The following MAST2 variants were observed in gnomAD, a reference collection of about 807,000 sequenced individuals.
MAST2 encodes the protein microtubule-associated serine/threonine-protein kinase 2.
In MAST2, 70 loss-of-function variants were observed where a neutral mutation model predicts 147.4. The observed-to-expected ratio is 0.47, with a 90% CI of 0.39 to 0.58. The LOEUF (loss-of-function observed/expected upper bound fraction) is 0.58. MAST2 is among the 20% of genes least tolerant of loss of function. The pLI is 0.00. For synonymous variants in MAST2, 869 were observed against 896.8 expected, an observed-to-expected ratio of 0.97 and a Z score of 0.55; for missense variants, 2,080 against 2,302.3, an observed-to-expected ratio of 0.90 and a Z score of 1.98.
At chr1:45,921,149 C>T (rs1557908632) in intron 4 of MAST2, among the ~76,000 whole-genome samples, 1 of 152,178 alleles carries the variant, frequency 6.6e-6, no homozygotes, top group South Asian at 2.1e-4. Context: ...GCGACCGCCA[C>T]CACGCCCAGC....
intron 3 of MAST2, among the ~76,000 whole-genome samples, chr1:45,829,861 AT>A (rs1006495432): frequency 5.7e-4 from 83 of 144,578 alleles, no homozygotes; most frequent in East Asian, 1.6e-3. Flanking sequence ...TAAGAATGAA[AT>A]TTTTTTTTTT....
At chr1:46,017,537 C>T (rs1388607441) in intron 10 of MAST2, among the ~76,000 whole-genome samples, 1 of 152,168 alleles carries the variant, frequency 6.6e-6, no homozygotes, top group African/African-American at 2.4e-5. Flanking sequence ...CAAAAGAAGA[C>T]ATTTATGCAG....
rs188852765 is a variant in MAST2, at chr1:45,807,838, G to A, written c.177+3766G>A. On this transcript the variant is annotated intron_variant, in intron 1 of 28. Transcript: ENST00000361297. ...ATTACAGGTGTGAGCCACTGTGCCC[G>A]GCCTAACATTTGTGAGTTTTATAAT... Among the ~76,000 whole-genome samples, 537 of 152,254 alleles carry A rather than the reference G, an allele frequency of 3.5e-3. 5 individuals carry two copies. The highest frequency in any genetic ancestry group is 0.011 in the African/African-American group (449 of 41,544).
At chr1:46,011,234 G>A in intron 10 of MAST2, 2 of 371,958 alleles carry the variant, frequency 5.4e-6, no homozygotes, top group Non-Finnish European at 4.9e-6. Context: ...ATTTGACTAG[G>A]AGGTTTGCTA....
intron 4 of MAST2, among the ~76,000 whole-genome samples, chr1:45,898,802 A>C (rs1649209453): frequency 6.6e-6 from 1 of 152,192 alleles, no homozygotes; most frequent in Non-Finnish European, 1.5e-5. Context: ...TCACCTCTGC[A>C]CTGCTGCATT....
chr1:45,946,912 C>T (rs1372203273), intron 4 of MAST2, among the ~76,000 whole-genome samples: 2 of 152,008 alleles, frequency 1.3e-5, no homozygotes, highest in Non-Finnish European at 2.9e-5. Context: ...TGCACCAGTC[C>T]CTAGGGTACT....
rs781607620 is a variant in MAST2 at position 46,032,280 on chromosome 1, C to T, written c.3290C>T (p.Ala1097Val). ...TCTCCAAGCAGGGACTTCTTGCCAG[C>T]CCTTGGCAGCATGAGGCCTCCCATC... is the stretch of plus-strand genomic sequence containing the variant. ...DSSPSRDFLP[A>V]LGSMRPPIII... is the part of the protein sequence containing the mutation. The change falls in exon 25 of 29, where the codon GCC (alanine) becomes GTC (valine). Residue 1097 changes from alanine (A) to valine (V), a missense_variant. This residue lies in a region of MAST2 where 1,278 missense variants were observed against 1,304.2 expected (regional missense o/e 0.98). Transcript: ENST00000361297. 7 of 1,614,252 alleles carry T rather than the reference C, an allele frequency of 4.3e-6. No individual in the cohort carries two copies. The highest frequency in any genetic ancestry group is 3.3e-5 in the Admixed American group (2 of 60,036).
chr1:45,817,170 T>G (rs1434614084), intron 1 of MAST2, among the ~76,000 whole-genome samples: 1 of 152,122 alleles, frequency 6.6e-6, no homozygotes, highest in African/African-American at 2.4e-5. Flanking sequence ...TTTATCGAAA[T>G]GAATAACAAC....
At chr1:45,966,124 C>T (rs1445350854) in intron 5 of MAST2, among the ~76,000 whole-genome samples, 2 of 152,178 alleles carry the variant, frequency 1.3e-5, no homozygotes, top group African/African-American at 4.8e-5. Flanking sequence ...CATACAATAG[C>T]CTTTTCAGAC....
In MAST2 at chr1:45,905,465, G is replaced by T. The variant is rs181081399; in HGVS notation, c.500+23070G>T. Among the ~76,000 whole-genome samples, 138 of 152,226 alleles carry T rather than the reference G, an allele frequency of 9.1e-4. 1 individual carries two copies. Among genetic ancestry groups the T allele is most frequent in the African/African-American group, 3.2e-3 (131 of 41,550 alleles). Reference sequence around the variant, plus strand: ...GCCTCCCAAAGTGCTGGGATTATAGGCATGTTTAATCTTTTAAAAAATGAA... The same window carrying T: ...GCCTCCCAAAGTGCTGGGATTATAGTCATGTTTAATCTTTTAAAAAATGAA... On this transcript the variant is annotated intron_variant, in intron 4 of 28. Coordinates refer to ENST00000361297, the MANE Select transcript of MAST2 (RefSeq NM_015112.3).
intron 4 of MAST2, among the ~76,000 whole-genome samples, chr1:45,924,101 A>T (rs992139158): frequency 5.3e-5 from 8 of 152,066 alleles, no homozygotes; most frequent in Admixed American, 1.3e-4. Flanking sequence ...CAAACTCCTG[A>T]CAAGTGACCT....
chr1:45,826,876 T>C (rs1050109504), intron 2 of MAST2, among the ~76,000 whole-genome samples: 1 of 152,194 alleles, frequency 6.6e-6, no homozygotes, highest in Non-Finnish European at 1.5e-5. Context: ...GTCACCAGGC[T>C]GGAATGCAGT....
intron 7 of MAST2, 81 bp downstream of exon 7, chr1:46,002,964 T>G: frequency 7.3e-7 from 1 of 1,376,176 alleles, no homozygotes; most frequent in Non-Finnish European, 1.0e-6. Context: ...CACAAAATGG[T>G]TCTCAACTTT....
chr1:45,867,024 G>A (rs34694458), intron 3 of MAST2, among the ~76,000 whole-genome samples: 50,218 of 151,706 alleles, frequency 0.33, 8,539 homozygotes, highest in African/African-American at 0.41. Flanking sequence ...TGCTGGGATT[G>A]CAGATGTGAG....
chr1:45,960,237 A>G (rs1660226855), intron 5 of MAST2, among the ~76,000 whole-genome samples: 1 of 152,158 alleles, frequency 6.6e-6, no homozygotes, highest in South Asian at 2.1e-4. Flanking sequence ...AGCTGGGCAC[A>G]GTGGCTCCCG....
chr1:45,994,624 CT>C (rs1225806404), intron 5 of MAST2, among the ~76,000 whole-genome samples: 1 of 152,034 alleles, frequency 6.6e-6, no homozygotes, highest in African/African-American at 2.4e-5. Flanking sequence ...CATGGTTGGT[CT>C]TTCAGGTGTG....
At position 45,959,503 on chromosome 1, in the gene MAST2, T is replaced by G. The variant is rs2148908963; in HGVS notation, c.592+26T>G. 2 of 1,600,698 alleles carry G rather than the reference T, an allele frequency of 1.2e-6. 1 individual carries two copies. On this transcript the variant is annotated intron_variant, in intron 5 of 28. Transcript: ENST00000361297. ...GTGAGTGCTTGAAGGTTAAGAAAGG[T>G]TGAATGAAAGAGTGGCCACAGATGC...
chr1:46,032,499 G>T, intron 25 of MAST2, 95 bp downstream of exon 25: 1 of 1,596,032 alleles, frequency 6.3e-7, no homozygotes, highest in Non-Finnish European at 8.6e-7. Flanking sequence ...GGGGGTCAAA[G>T]GGTGGTGGTG....
At chr1:46,009,400 G>A (rs1305566256) in intron 9 of MAST2, among the ~76,000 whole-genome samples, 2 of 152,180 alleles carry the variant, frequency 1.3e-5, no homozygotes, top group Non-Finnish European at 2.9e-5. Flanking sequence ...TGTACGCTCT[G>A]ACCTGGCCTC....
Sources: gnomAD v4.1 joint callset for allele counts (sites outside exome capture counted in the v4.1 genomes callset) on GRCh38, gnomAD v4.1.1 for gene constraint, gnomAD v4.1.1 regional missense constraint, MANE v1.5 for transcripts, NCBI Gene and HGNC (gene_info 2026-07-23, HGNC 2026-07-21) for gene names.